The following WNT10A variants were observed in gnomAD, a reference collection of about 807,000 sequenced individuals.
The protein encoded by WNT10A is protein Wnt-10a.
WNT10A carries 37 observed loss-of-function variants against 36.1 expected under a neutral mutation model. The ratio of observed to expected loss-of-function variants is 1.02; its 90% CI spans 0.79 to 1.35. WNT10A has a LOEUF of 1.35. Ranked by LOEUF, WNT10A falls within the 40% of genes most tolerant of loss-of-function variation. The pLI, the probability that WNT10A is intolerant of heterozygous loss-of-function variation, is 0.00. For synonymous variants in WNT10A, 255 were observed against 254.1 expected (o/e 1.00, Z -0.03); for missense variants, 613 against 601.4 (o/e 1.02, Z -0.20).
At position 218,880,967 on chromosome 2, in the gene WNT10A, C is replaced by T. The variant is rs774564847; in HGVS notation, c.-29C>T. On this transcript the variant is annotated 5_prime_UTR_variant, in exon 1 of 4. Transcript: ENST00000258411. The surrounding 1 kb of genome is among the most constrained non-coding windows in gnomAD (Gnocchi z 7.7). ...CAGTCCCACTGGGCTGTGAGCCCCC[C>T]ACTCCCAGCCCGTCAGGGCCTGCGC... 1 of 1,551,168 alleles carries T rather than the reference C, an allele frequency of 6.4e-7. No homozygotes were observed. Among genetic ancestry groups the T allele is most frequent in the Admixed American group, 1.9e-5 (1 of 51,608 alleles).
chr2:218,875,192 T>C, the WNT10A span, among the ~76,000 whole-genome samples: 1 of 72,876 alleles, frequency 1.4e-5, no homozygotes, highest in African/African-American at 8.7e-5. Flanking sequence ...TTTTTTTTTT[T>C]TTTTTTTTTT....
intron 2 of WNT10A, 52 bp downstream of exon 2, chr2:218,882,475 C>T (rs1944530582): frequency 6.2e-7 from 1 of 1,609,308 alleles, no homozygotes; most frequent in African/African-American, 1.3e-5. Flanking sequence ...ATCTCCACCT[C>T]AGAATCTATT....
At chr2:218,877,247 C>T (rs902568888), upstream of WNT10A, among the ~76,000 whole-genome samples, 2 of 152,158 alleles carry the variant, frequency 1.3e-5, no homozygotes, top group African/African-American at 2.4e-5. This position sits in a 1 kb window ranked among gnomAD's most constrained non-coding sequence, Gnocchi z 4.1. Context: ...AATAGGGGTC[C>T]CTGATTGCTT....
At position 218,880,986 on chromosome 2, in the gene WNT10A, C is replaced by T. The variant is rs760789776; in HGVS notation, c.-10C>T. The T allele has an allele frequency of 2.6e-6, 4 of 1,563,824 alleles. No individual in the cohort carries two copies. The highest frequency in any genetic ancestry group is 2.7e-5 in the African/African-American group (2 of 73,732). Reference sequence around the variant, plus strand: ...GCCCCCCACTCCCAGCCCGTCAGGGCCTGCGCGCCATGGGCAGCGCCCACC... The same window carrying T: ...GCCCCCCACTCCCAGCCCGTCAGGGTCTGCGCGCCATGGGCAGCGCCCACC... On this transcript the variant is annotated 5_prime_UTR_variant, in exon 1 of 4. Transcript: ENST00000258411. The surrounding 1 kb of genome is among the most constrained non-coding windows in gnomAD (Gnocchi z 7.7).
Position 218,881,089 on chromosome 2 carries a change from C to T in WNT10A, c.94C>T (p.Leu32=), listed in dbSNP as rs1422380518. Residue 32 remains leucine, a synonymous_variant, in exon 1 of 4, where the codon CTG becomes TTG. Coordinates refer to ENST00000258411, the MANE Select transcript of WNT10A (RefSeq NM_025216.3). ...LWVLLFFLLL[L]AAAMPRSAPN... is the part of the protein sequence containing the mutation. ...GGTGCTCCTGTTCTTCCTACTGCTG[C>T]TGGCTGCTGCCATGCCCAGGTGAGC... 2.5e-6 allele frequency: 4 copies of T among 1,601,704 alleles called. No homozygotes were observed. The highest frequency in any genetic ancestry group is 2.7e-5 in the African/African-American group (2 of 74,768).
chr2:218,891,120 T>G (rs1025030993), intron 3 of WNT10A, among the ~76,000 whole-genome samples: 8 of 152,202 alleles, frequency 5.3e-5, no homozygotes, highest in Non-Finnish European at 8.8e-5. Flanking sequence ...TTATTAACCT[T>G]ATGTTGAGAT....
upstream of WNT10A, among the ~76,000 whole-genome samples, chr2:218,878,197 G>T (rs1191620293): frequency 6.6e-6 from 1 of 152,144 alleles, no homozygotes; most frequent in Non-Finnish European, 1.5e-5. The surrounding 1 kb of genome is among the most constrained non-coding windows in gnomAD (Gnocchi z 4.1). Flanking sequence ...CATGGTGTGG[G>T]TCATTTGGGG....
At chr2:218,881,240 C>T (rs1559412141) in intron 1 of WNT10A, 132 bp downstream of exon 1, 7 of 1,337,678 alleles carry the variant, frequency 5.2e-6, no homozygotes, top group Middle Eastern at 2.0e-4. Flanking sequence ...TGCTGGTGCC[C>T]AACCAAAGGC....
In WNT10A at chr2:218,880,991, G is replaced by A. The variant is rs1344603479; in HGVS notation, c.-5G>A. 1.3e-6 allele frequency: 2 copies of A among 1,567,316 alleles called. No individual in the cohort carries two copies. Among genetic ancestry groups the A allele is most frequent in the Non-Finnish European group, 1.7e-6 (2 of 1,155,832 alleles). On this transcript the variant is annotated 5_prime_UTR_variant, in exon 1 of 4. Transcript: ENST00000258411. The surrounding 1 kb of genome is among the most constrained non-coding windows in gnomAD (Gnocchi z 7.7). Reference sequence around the variant, plus strand: ...CCACTCCCAGCCCGTCAGGGCCTGCGCGCCATGGGCAGCGCCCACCCTCGC... The same window carrying A: ...CCACTCCCAGCCCGTCAGGGCCTGCACGCCATGGGCAGCGCCCACCCTCGC...
At position 218,893,013 on chromosome 2, in the gene WNT10A, C is replaced by A; in HGVS notation, c.996C>A (p.Ser332Arg). 6.3e-7 allele frequency: 1 copy of A among 1,581,084 alleles called. No individual in the cohort carries two copies. Among genetic ancestry groups the A allele is most frequent in the Non-Finnish European group, 8.5e-7 (1 of 1,172,892 alleles). ...CTCCCGGGCCGCGCCGACGGGCCAG[C>A]CCCGCCGACCTGGTCTACTTCGAAA... ...PGAPGPRRRA[S>R]PADLVYFEKS... Residue 332 changes from serine (S) to arginine (R), a missense_variant, in exon 4 of 4, where the codon AGC (serine) becomes AGA (arginine). Coordinates refer to ENST00000258411, the MANE Select transcript of WNT10A (RefSeq NM_025216.3). The surrounding 1 kb of genome is among the most constrained non-coding windows in gnomAD (Gnocchi z 6.3).
chr2:218,892,129 G>A (rs1257984894), intron 3 of WNT10A, among the ~76,000 whole-genome samples: 4 of 152,070 alleles, frequency 2.6e-5, no homozygotes, highest in Non-Finnish European at 4.4e-5. Context: ...CGAACCATGG[G>A]TCTCAGCATA....
In WNT10A at chr2:218,892,809, C is replaced by T. The variant is rs1944669149; in HGVS notation, c.792C>T (p.Cys264=). 4 of 1,596,760 alleles carry T rather than the reference C, an allele frequency of 2.5e-6. No individual in the cohort carries two copies. The highest frequency in any genetic ancestry group is 1.7e-5 in the Admixed American group (1 of 58,504). The part of the protein sequence containing the change: ...VMENMRRKCK[C]HGTSGSCQLK... ...AGAACATGCGGCGGAAGTGCAAGTGCCACGGCACGTCAGGCAGCTGCCAGC... is the reference window on the plus strand; with the variant it reads ...AGAACATGCGGCGGAAGTGCAAGTGTCACGGCACGTCAGGCAGCTGCCAGC... The change falls in exon 4 of 4, where the codon TGC becomes TGT. Residue 264 remains cysteine (C), a synonymous_variant. Coordinates refer to ENST00000258411, the MANE Select transcript of WNT10A (RefSeq NM_025216.3).
chr2:218,893,088 C>A lies in WNT10A; in HGVS notation c.1071C>A (p.Thr357=), dbSNP rs755837834. The A allele has an allele frequency of 1.3e-6, 2 of 1,596,530 alleles. No homozygotes were observed. The highest frequency in any genetic ancestry group is 3.3e-5 in the Admixed American group (2 of 59,932). ...AGCCGCGCCTGGACTCGGCGGGCAC[C>A]GTGGGCCGCCTGTGCAACAAGAGCA... ...EREPRLDSAG[T]VGRLCNKSSA... The change falls in exon 4 of 4, where the codon ACC becomes ACA. Residue 357 remains threonine (T), a synonymous_variant. Coordinates refer to ENST00000258411, the MANE Select transcript of WNT10A (RefSeq NM_025216.3). The surrounding 1 kb of genome is among the most constrained non-coding windows in gnomAD (Gnocchi z 6.3).
At chr2:218,889,931 A>G in intron 2 of WNT10A, 53 bp from the exon 3 acceptor site, 1 of 1,610,104 alleles carries the variant, frequency 6.2e-7, no homozygotes, top group Non-Finnish European at 8.5e-7. Flanking sequence ...GGGCTGGAGA[A>G]TGGGGTGTCA....
chr2:218,888,745 A>G (rs1944611711), intron 2 of WNT10A, among the ~76,000 whole-genome samples: 2 of 152,310 alleles, frequency 1.3e-5, no homozygotes, highest in African/African-American at 2.4e-5. Context: ...GCTGTGCCTA[A>G]GATGGGCACG....
chr2:218,875,346 A>T, the WNT10A span, among the ~76,000 whole-genome samples: 1 of 149,262 alleles, frequency 6.7e-6, no homozygotes, highest in Non-Finnish European at 1.5e-5. Context: ...CCACCACCAC[A>T]CTTGGATACG....
chr2:218,878,107 C>T (rs975884157), upstream of WNT10A, among the ~76,000 whole-genome samples: 2 of 152,098 alleles, frequency 1.3e-5, no homozygotes, highest in East Asian at 1.9e-4. The surrounding 1 kb of genome is among the most constrained non-coding windows in gnomAD (Gnocchi z 4.1). Flanking sequence ...GCGGCGGCTG[C>T]GGGGGCTGGG....
At position 218,880,865 on chromosome 2, in the gene WNT10A, G is replaced by A; in HGVS notation, c.-131G>A. On this transcript the variant is annotated 5_prime_UTR_variant, in exon 1 of 4. Coordinates refer to ENST00000258411, the MANE Select transcript of WNT10A (RefSeq NM_025216.3). This position sits in a 1 kb window ranked among gnomAD's most constrained non-coding sequence, Gnocchi z 7.7. ...GAGGCGGGCGCCGTCTGCTCCGGGA[G>A]CCCTGACCCGAGTCGGAGCTGTGTG... The A allele has an allele frequency of 8.6e-7, 1 of 1,168,608 alleles. No homozygotes were observed. The highest frequency in any genetic ancestry group is 1.1e-6 in the Non-Finnish European group (1 of 871,846). The allele number at this position is 1,168,608 out of a possible 1,614,324, so 72.4% of individuals were successfully genotyped here.
upstream of WNT10A, among the ~76,000 whole-genome samples, chr2:218,877,724 T>G (rs1407997503): frequency 6.6e-6 from 1 of 152,202 alleles, no homozygotes; most frequent in Admixed American, 6.5e-5. The surrounding 1 kb of genome is among the most constrained non-coding windows in gnomAD (Gnocchi z 4.1). Flanking sequence ...AACAATTCCC[T>G]TCCCTTTCAA....
Sources: allele counts gnomAD v4.1 joint callset (sites outside exome capture counted in the v4.1 genomes callset), GRCh38; gene constraint gnomAD v4.1.1; non-coding constraint Gnocchi (gnomAD v3.1); transcripts MANE v1.5; gene names NCBI Gene and HGNC (gene_info 2026-07-23, HGNC 2026-07-21).